ZNF704: variants seen among roughly 807,000 people sequenced by gnomAD.
ZNF704 encodes glucocorticoid induced gene 1.
ZNF704 carries 10 observed loss-of-function variants against 44.7 expected under a neutral mutation model. The observed-to-expected ratio is 0.22, with a 90% CI of 0.14 to 0.38. The LOEUF is 0.38. Ranked by LOEUF, ZNF704 falls within the 10% of genes least tolerant of loss-of-function variation. The probability of loss-of-function intolerance (pLI) is 1.00; values close to 1 mark genes in which losing one functional copy is unlikely to be tolerated. For synonymous variants in ZNF704, 211 were observed against 207.6 expected (o/e 1.02, Z -0.14); for missense variants, 390 against 545.5 (o/e 0.71, Z 2.84).
intron 2 of ZNF704, among the ~76,000 whole-genome samples, chr8:80,791,165 T>C (rs1807701306): frequency 6.6e-6 from 1 of 152,032 alleles, no homozygotes. Flanking sequence ...TAAAATGGAA[T>C]TAGGATGAGA....
intron 7 of ZNF704, among the ~76,000 whole-genome samples, chr8:80,657,461 G>C (rs973067461): frequency 6.6e-6 from 1 of 152,174 alleles, no homozygotes; most frequent in Non-Finnish European, 1.5e-5. Context: ...GGGAGGCTGA[G>C]GTGGGCAGAT....
chr8:80,730,455 C>T (rs758425258), intron 2 of ZNF704, among the ~76,000 whole-genome samples: 22 of 146,158 alleles, frequency 1.5e-4, no homozygotes, highest in Non-Finnish European at 2.7e-4. Context: ...AGGAGAATCA[C>T]TTGAACCCAG....
rs1808485221 is a variant in ZNF704, at chr8:80,832,368, T to TA, written c.-21-10754dup. Among the ~76,000 whole-genome samples the TA allele has an allele frequency of 5.3e-5, 8 of 152,316 alleles. No individual in the cohort carries two copies. The South Asian group carries it at 1.7e-3, about 32-fold the overall frequency. ...ACATCTGGTTTCCACAGGAAGATCA[T>TA]AACGGCGCATCAGAAAAGAGAATGT... On this transcript the variant is annotated intron_variant, in intron 1 of 8. Coordinates refer to ENST00000327835, the MANE Select transcript of ZNF704 (RefSeq NM_001033723.3).
chr8:80,721,088 C>T (rs1819158647), intron 2 of ZNF704, among the ~76,000 whole-genome samples: 1 of 152,202 alleles, frequency 6.6e-6, no homozygotes, highest in African/African-American at 2.4e-5. Context: ...CTCTTCTAGC[C>T]TATAGGATCT....
intron 5 of ZNF704, among the ~76,000 whole-genome samples, chr8:80,670,211 A>G (rs1268498451): frequency 6.6e-6 from 1 of 152,204 alleles, no homozygotes; most frequent in Non-Finnish European, 1.5e-5. Flanking sequence ...TTGACCCTGA[A>G]GAGCTGACAT....
At chr8:80,769,876 A>ACAC (rs1807290318) in intron 2 of ZNF704, among the ~76,000 whole-genome samples, 1 of 152,208 alleles carries the variant, frequency 6.6e-6, no homozygotes, top group Non-Finnish European at 1.5e-5. Flanking sequence ...GCCCATTTTC[A>ACAC]TGCTGCTAAG....
At chr8:80,645,280 A>G (rs1045607296) in intron 7 of ZNF704, 104 of 1,162,564 alleles carry the variant, frequency 8.9e-5, no homozygotes, top group Non-Finnish European at 1.2e-4. Flanking sequence ...GACATTTAAT[A>G]AATTTAAAAA....
intron 2 of ZNF704, among the ~76,000 whole-genome samples, chr8:80,725,029 C>G (rs984646996): frequency 1.7e-4 from 26 of 152,186 alleles, no homozygotes; most frequent in Admixed American, 1.4e-3. Context: ...AGCAACACCT[C>G]CTACCCCTTC....
At chr8:80,851,174 G>A (rs1012233140) in intron 1 of ZNF704, among the ~76,000 whole-genome samples, 118 of 151,998 alleles carry the variant, frequency 7.8e-4, no homozygotes, top group African/African-American at 2.8e-3. Context: ...GATTCCTCAG[G>A]GAACTAGAAC....
At chr8:80,688,954 GTC>G (rs1818586878) in intron 3 of ZNF704, among the ~76,000 whole-genome samples, 1 of 102,478 alleles carries the variant, frequency 9.8e-6, no homozygotes. Flanking sequence ...GTGAGACTCT[GTC>G]TCAAAAAAAA....
chr8:80,692,835 G>A (rs1818662040), intron 3 of ZNF704, among the ~76,000 whole-genome samples, 169 bp downstream of exon 3: 1 of 152,188 alleles, frequency 6.6e-6, no homozygotes, highest in African/African-American at 2.4e-5. Context: ...AAGATGAAGA[G>A]GGGGCTGACA....
chr8:80,871,111 C>T (rs964519062), intron 1 of ZNF704, among the ~76,000 whole-genome samples: 9 of 152,158 alleles, frequency 5.9e-5, no homozygotes, highest in African/African-American at 2.2e-4. Context: ...CCAAGCTGCC[C>T]TCTCCCTCCC....
intron 1 of ZNF704, among the ~76,000 whole-genome samples, chr8:80,855,768 T>C (rs1289210377): frequency 6.6e-6 from 1 of 152,146 alleles, no homozygotes; most frequent in Non-Finnish European, 1.5e-5. Context: ...CCCATACATT[T>C]ACACAAATAA....
intron 1 of ZNF704, among the ~76,000 whole-genome samples, chr8:80,850,642 ATC>A (rs1177342434): frequency 6.6e-6 from 1 of 151,984 alleles, no homozygotes; most frequent in Non-Finnish European, 1.5e-5. Flanking sequence ...CCACTTTATA[ATC>A]TCTCTTTCAG....
At position 80,637,889 on chromosome 8, in the gene ZNF704, G is replaced by A. The variant is rs1406926265; in HGVS notation, c.*3477C>T. 6.6e-6 allele frequency: 1 copy of A among 152,258 alleles called. No individual in the cohort carries two copies. The highest frequency in any genetic ancestry group is 1.5e-5 in the Non-Finnish European group (1 of 68,070). The allele number at this position is 152,258 out of a possible 1,614,324, so 9.4% of individuals were successfully genotyped here. On this transcript the variant is annotated 3_prime_UTR_variant, in exon 9 of 9. Coordinates refer to ENST00000327835, the MANE Select transcript of ZNF704 (RefSeq NM_001033723.3). ...TATCTGCTAGAGATGGCCCGCTCAG[G>A]CTAGGCACAGCAGCCCTGCACTCTT...
chr8:80,811,616 G>C (rs1177843156), intron 2 of ZNF704, among the ~76,000 whole-genome samples: 2 of 152,272 alleles, frequency 1.3e-5, no homozygotes, highest in African/African-American at 4.8e-5. Flanking sequence ...AATACCACTA[G>C]GACAGGGCTA....
At chr8:80,793,780 G>T (rs1395206785) in intron 2 of ZNF704, among the ~76,000 whole-genome samples, 3 of 151,964 alleles carry the variant, frequency 2.0e-5, no homozygotes, top group Admixed American at 2.0e-4. Flanking sequence ...AAATTAAGGA[G>T]GTTTCATTAA....
intron 1 of ZNF704, among the ~76,000 whole-genome samples, chr8:80,839,249 CACA>C (rs1808635735): frequency 6.6e-6 from 1 of 152,204 alleles, no homozygotes; most frequent in African/African-American, 2.4e-5. Flanking sequence ...CACAGTCTAA[CACA>C]ACATCTTTAA....
At chr8:80,696,417 AT>A (rs534103523) in intron 2 of ZNF704, among the ~76,000 whole-genome samples, 2 of 152,004 alleles carry the variant, frequency 1.3e-5, no homozygotes, top group Non-Finnish European at 1.5e-5. Flanking sequence ...TGGATTTCAG[AT>A]TTTTTTTGTT....
Sources: gnomAD v4.1 joint callset for allele counts (sites outside exome capture counted in the v4.1 genomes callset) on GRCh38, gnomAD v4.1.1 for gene constraint, MANE v1.5 for transcripts, NCBI Gene and HGNC (gene_info 2026-07-23, HGNC 2026-07-21) for gene names.